The following GPHN variants were observed in gnomAD, a reference collection of about 807,000 sequenced individuals.
The protein encoded by GPHN is gephyrin.
A neutral mutation model predicts 95.5 loss-of-function variants in GPHN; 17 were observed. The ratio of observed to expected loss-of-function variants is 0.18; its 90% CI spans 0.12 to 0.27. The LOEUF (loss-of-function observed/expected upper bound fraction) is 0.27. Among genes scored for constraint, GPHN ranks in the 10% least tolerant of loss-of-function variants. The probability of loss-of-function intolerance (pLI) is 1.00; values close to 1 mark genes in which losing one functional copy is unlikely to be tolerated. For missense variants in GPHN, 660 were observed against 978.1 expected (o/e 0.67, Z 4.34); for synonymous variants, 320 against 322.5 (o/e 0.99, Z 0.08).
At chr14:67,001,727 T>G (rs1055101938) in intron 9 of GPHN, among the ~76,000 whole-genome samples, 8 of 151,682 alleles carry the variant, frequency 5.3e-5, no homozygotes, top group Non-Finnish European at 8.9e-5. Flanking sequence ...AATAAATAAA[T>G]AAATAAATAA....
chr14:67,702,900 ACC>A, the GPHN span, among the ~76,000 whole-genome samples: 1 of 152,032 alleles, frequency 6.6e-6, no homozygotes, highest in African/African-American at 2.4e-5. Context: ...TGCAGCCTGG[ACC>A]TCCCAGGCTC....
chr14:67,332,772 G>A, the GPHN span: 1 of 1,601,576 alleles, frequency 6.2e-7, no homozygotes, highest in Non-Finnish European at 8.5e-7. Flanking sequence ...TTTATCTTCT[G>A]TTTGCAGCCT....
chr14:67,572,340 T>G, the GPHN span: 3 of 1,346,140 alleles, frequency 2.2e-6, no homozygotes, highest in Non-Finnish European at 3.0e-6. Flanking sequence ...GCTGGGGCCC[T>G]CAGCACAAGA....
At chr14:66,691,938 A>C (rs2067808442) in intron 2 of GPHN, among the ~76,000 whole-genome samples, 1 of 152,240 alleles carries the variant, frequency 6.6e-6, no homozygotes, top group Non-Finnish European at 1.5e-5. Flanking sequence ...AAAAGATAAT[A>C]AAAGCTAGAT....
chr14:66,989,657 A>G (rs1318882999), intron 9 of GPHN, among the ~76,000 whole-genome samples: 1 of 59,770 alleles, frequency 1.7e-5, no homozygotes, highest in East Asian at 7.0e-4. Context: ...CCAATATAGA[A>G]AAAAAAAAAA....
At chr14:66,871,765 G>C (rs893242952) in intron 4 of GPHN, among the ~76,000 whole-genome samples, 3 of 152,028 alleles carry the variant, frequency 2.0e-5, no homozygotes, top group African/African-American at 7.2e-5. Context: ...CACACACTGG[G>C]GCCTGTCGGC....
intron 17 of GPHN, chr14:67,142,899 C>T (rs532199791): frequency 4.7e-4 from 98 of 209,968 alleles, no homozygotes; most frequent in African/African-American, 2.2e-3. Context: ...TTCCTTTCCA[C>T]CTCTCTGAAT....
the GPHN span, among the ~76,000 whole-genome samples, chr14:67,495,260 A>G: frequency 1.3e-5 from 2 of 151,930 alleles, no homozygotes; most frequent in African/African-American, 4.8e-5. Flanking sequence ...TTCCTCTTCC[A>G]ATTTGGCCCT....
chr14:67,144,257 A>ACATATATATATGTG (rs1567400655), intron 18 of GPHN, among the ~76,000 whole-genome samples: 2 of 87,094 alleles, frequency 2.3e-5, no homozygotes, highest in Admixed American at 1.3e-4. Flanking sequence ...AAAAATATAT[A>ACATATATATATGTG]TATATATATA....
the GPHN span, chr14:67,295,104 A>AGT: frequency 0.12 from 15,910 of 138,002 alleles, 830 homozygotes; most frequent in Middle Eastern, 0.13. Context: ...GAGATATTGA[A>AGT]GTGTGTGTGT....
intron 3 of GPHN, among the ~76,000 whole-genome samples, chr14:66,778,971 T>C (rs2153462665): frequency 6.6e-6 from 1 of 152,130 alleles, no homozygotes; most frequent in Non-Finnish European, 1.5e-5. Context: ...CTTGAACCCC[T>C]GACCTCAGGT....
At chr14:66,835,380 C>T (rs2061755142) in intron 4 of GPHN, among the ~76,000 whole-genome samples, 1 of 151,968 alleles carries the variant, frequency 6.6e-6, no homozygotes, top group African/African-American at 2.4e-5. Context: ...CCTGCTTTCT[C>T]TTGTGGGCAT....
At chr14:67,357,310 C>A in the GPHN span, among the ~76,000 whole-genome samples, 118 of 152,346 alleles carry the variant, frequency 7.7e-4, no homozygotes, top group Non-Finnish European at 1.4e-3. Flanking sequence ...CAGAGCTGCT[C>A]AGTCCTACTC....
At chr14:66,794,174 A>C (rs553766035) in intron 3 of GPHN, among the ~76,000 whole-genome samples, 1 of 152,190 alleles carries the variant, frequency 6.6e-6, no homozygotes, top group South Asian at 2.1e-4. Flanking sequence ...GCCTGGTGGG[A>C]GGTGACTGGA....
the GPHN span, chr14:67,388,361 A>G: frequency 9.9e-7 from 1 of 1,005,230 alleles, no homozygotes; most frequent in Non-Finnish European, 1.6e-6. Context: ...GAAGAGTTGC[A>G]CTCCCCTTAC....
intron 1 of GPHN, among the ~76,000 whole-genome samples, chr14:66,621,470 G>A (rs1239507384): frequency 1.3e-5 from 2 of 149,836 alleles, no homozygotes; most frequent in Non-Finnish European, 3.0e-5. Context: ...TGTCGCCCAG[G>A]CTAGAGTGCA....
intron 18 of GPHN, among the ~76,000 whole-genome samples, chr14:67,146,592 G>A (rs2080909347): frequency 6.6e-6 from 1 of 152,122 alleles, no homozygotes; most frequent in Admixed American, 6.5e-5. Context: ...CACCCCTTAT[G>A]ATCAAAGTAA....
the GPHN span, among the ~76,000 whole-genome samples, chr14:67,529,051 C>CTTTACA: frequency 3.3e-5 from 5 of 152,120 alleles, no homozygotes; most frequent in Admixed American, 6.5e-5. Context: ...CTTGCTAGTC[C>CTTTACA]TTTACACCTC....
chr14:67,670,696 T>C, the GPHN span, among the ~76,000 whole-genome samples: 1 of 152,100 alleles, frequency 6.6e-6, no homozygotes, highest in Non-Finnish European at 1.5e-5. Flanking sequence ...ACCCAGCTAA[T>C]TTTTGTATTT....
Sources: allele counts gnomAD v4.1 joint callset (sites outside exome capture counted in the v4.1 genomes callset), GRCh38; gene constraint gnomAD v4.1.1; transcripts MANE v1.5; gene names NCBI Gene and HGNC (gene_info 2026-07-23, HGNC 2026-07-21).